Variants in KIAA1217 observed in about 807,000 individuals in gnomAD.
KIAA1217 encodes the protein sickle tail protein homolog.
A neutral mutation model predicts 163.9 loss-of-function variants in KIAA1217; 88 were observed. That is an observed-to-expected ratio of 0.54 (90% confidence interval 0.45 to 0.64). The LOEUF (loss-of-function observed/expected upper bound fraction) is 0.64. KIAA1217 is among the 30% of genes least tolerant of loss of function. KIAA1217 has a pLI of 0.00. For missense variants in KIAA1217, 2,372 were observed against 2,475.0 expected (o/e 0.96, Z 0.88); for synonymous variants, 903 against 923.1 (o/e 0.98, Z 0.39).
At chr10:24,167,821 A>G (rs1317857395) in intron 2 of KIAA1217, among the ~76,000 whole-genome samples, 1 of 152,190 alleles carries the variant, frequency 6.6e-6, no homozygotes, top group Admixed American at 6.5e-5. Flanking sequence ...GAGGCTGGGA[A>G]GTCCAAGATC....
intron 3 of KIAA1217, among the ~76,000 whole-genome samples, chr10:24,394,330 T>C (rs1010857295): frequency 6.6e-6 from 1 of 152,232 alleles, no homozygotes; most frequent in East Asian, 1.9e-4. Context: ...AAGGTGTTAA[T>C]TGGCTTTCAG....
At chr10:23,785,687 T>A (rs900789756) in intron 1 of KIAA1217, among the ~76,000 whole-genome samples, 2 of 152,140 alleles carry the variant, frequency 1.3e-5, no homozygotes, top group Non-Finnish European at 2.9e-5. Context: ...TTTGGTAGAT[T>A]TTAGGAGCTT....
intron 2 of KIAA1217, among the ~76,000 whole-genome samples, chr10:24,060,586 G>A (rs1284342914): frequency 6.6e-6 from 1 of 152,182 alleles, no homozygotes; most frequent in East Asian, 1.9e-4. Flanking sequence ...CATGAGGCCA[G>A]TAGTTCAATA....
intron 1 of KIAA1217, among the ~76,000 whole-genome samples, chr10:23,956,374 C>T (rs1480230964): frequency 6.6e-6 from 1 of 152,022 alleles, no homozygotes; most frequent in Non-Finnish European, 1.5e-5. Context: ...GCTAGCTGTC[C>T]TTGGTGACTT....
chr10:23,700,220 T>C (rs1389726318), intron 1 of KIAA1217, among the ~76,000 whole-genome samples: 1 of 152,182 alleles, frequency 6.6e-6, no homozygotes, highest in Non-Finnish European at 1.5e-5. Context: ...AGTCATCCTC[T>C]TACAGAAAGC....
At chr10:23,736,360 G>T (rs899087807) in intron 1 of KIAA1217, among the ~76,000 whole-genome samples, 2 of 152,098 alleles carry the variant, frequency 1.3e-5, no homozygotes, top group African/African-American at 2.4e-5. Flanking sequence ...ACCACCTATT[G>T]AGTTGTCCCT....
chr10:24,094,046 A>T (rs2062047534), intron 2 of KIAA1217, among the ~76,000 whole-genome samples: 1 of 151,324 alleles, frequency 6.6e-6, no homozygotes, highest in African/African-American at 2.4e-5. Flanking sequence ...AATCCAGTCT[A>T]TCATTGTTGG....
chr10:23,772,945 C>T (rs1017572367), intron 1 of KIAA1217, among the ~76,000 whole-genome samples: 5 of 152,128 alleles, frequency 3.3e-5, no homozygotes, highest in African/African-American at 1.2e-4. Flanking sequence ...TGAATCAAGG[C>T]CCTAATTTTG....
chr10:24,522,143 C>G (rs762446655), intron 12 of KIAA1217, among the ~76,000 whole-genome samples: 2 of 152,048 alleles, frequency 1.3e-5, no homozygotes, highest in African/African-American at 2.4e-5. Flanking sequence ...GGAGCCCATC[C>G]TAGGGTTTAA....
At chr10:23,699,576 A>G (rs978589293) in intron 1 of KIAA1217, among the ~76,000 whole-genome samples, 8 of 152,186 alleles carry the variant, frequency 5.3e-5, no homozygotes, top group Admixed American at 1.3e-4. Context: ...CTCCCCACCT[A>G]TGCAACTATG....
At chr10:23,862,337 T>C (rs2131137945) in intron 1 of KIAA1217, among the ~76,000 whole-genome samples, 1 of 152,304 alleles carries the variant, frequency 6.6e-6, no homozygotes, top group African/African-American at 2.4e-5. Flanking sequence ...ATTTCTAAGT[T>C]AAATTTTAAA....
intron 1 of KIAA1217, among the ~76,000 whole-genome samples, chr10:23,922,724 G>A (rs944345647): frequency 3.9e-5 from 6 of 152,102 alleles, no homozygotes; most frequent in African/African-American, 1.4e-4. Flanking sequence ...ACTCAAGAGT[G>A]GAGAACATTA....
At chr10:24,092,979 C>A (rs1042501500) in intron 2 of KIAA1217, among the ~76,000 whole-genome samples, 5 of 149,918 alleles carry the variant, frequency 3.3e-5, no homozygotes, top group Admixed American at 6.6e-5. Context: ...TGTAGAGGCA[C>A]CCCAAAATGA....
At chr10:23,853,107 T>A (rs1839443003) in intron 1 of KIAA1217, among the ~76,000 whole-genome samples, 1 of 152,220 alleles carries the variant, frequency 6.6e-6, no homozygotes, top group South Asian at 2.1e-4. Context: ...TCAAAGGGAA[T>A]GCTTCCACTT....
intron 2 of KIAA1217, among the ~76,000 whole-genome samples, chr10:24,306,975 A>C (rs943838893): frequency 1.3e-5 from 2 of 152,228 alleles, no homozygotes; most frequent in Non-Finnish European, 2.9e-5. Context: ...ATTAGTTAGC[A>C]AAGCTGCTTA....
intron 2 of KIAA1217, chr10:24,158,110 A>T (rs1442123813): frequency 2.7e-6 from 2 of 754,652 alleles, no homozygotes; most frequent in African/African-American, 3.4e-5. Flanking sequence ...TTAGAAGTAT[A>T]TATGATGACA....
rs150255989 is a variant in KIAA1217, at chr10:23,698,106, A to G, written c.-321+2872A>G. Among the ~76,000 whole-genome samples, 81 of 152,316 alleles carry G rather than the reference A, an allele frequency of 5.3e-4. 1 individual carries two copies. In the East Asian group the frequency reaches 0.014, roughly 26 times the overall value. On this transcript the variant is annotated intron_variant, in intron 1 of 18. Coordinates refer to the KIAA1217 transcript ENST00000376462. Reference sequence around the variant, plus strand: ...GAGATTATTGTAATTACATGATTTAATTAGGCACTGAAAATCAAAATATGT... The same window carrying G: ...GAGATTATTGTAATTACATGATTTAGTTAGGCACTGAAAATCAAAATATGT...
chr10:24,086,346 A>G (rs1040544954), intron 2 of KIAA1217, among the ~76,000 whole-genome samples: 5 of 152,234 alleles, frequency 3.3e-5, no homozygotes, highest in African/African-American at 1.2e-4. Flanking sequence ...TTGAGAGTAC[A>G]GACACTCGTT....
intron 2 of KIAA1217, among the ~76,000 whole-genome samples, chr10:24,041,533 T>A (rs1226807080): frequency 2.0e-5 from 3 of 152,186 alleles, no homozygotes; most frequent in African/African-American, 7.2e-5. Context: ...CATATGCACA[T>A]ACACACATAC....
Sources: gnomAD v4.1 joint callset for allele counts (sites outside exome capture counted in the v4.1 genomes callset) on GRCh38, gnomAD v4.1.1 for gene constraint, MANE v1.5 for transcripts, NCBI Gene and HGNC (gene_info 2026-07-23, HGNC 2026-07-21) for gene names.